Variants in GUCY2C observed in about 807,000 individuals in gnomAD.
GUCY2C encodes guanylyl cyclase C.
In GUCY2C, 118 loss-of-function variants were observed where a neutral mutation model predicts 131.1. That is an observed-to-expected ratio of 0.90 (90% CI 0.78 to 1.05). The LOEUF (loss-of-function observed/expected upper bound fraction) is 1.05. GUCY2C is among the 50% of genes least tolerant of loss of function. The pLI is 0.00. For synonymous variants in GUCY2C, 452 were observed against 457.8 expected, an observed-to-expected ratio of 0.99 and a Z score of 0.16; for missense variants, 1,161 against 1,304.4, an observed-to-expected ratio of 0.89 and a Z score of 1.69.
At position 14,612,712 on chromosome 12, in the gene GUCY2C, T is replaced by C. The variant is rs555711409; in HGVS notation, c.*405A>G. On this transcript the variant is annotated 3_prime_UTR_variant, in exon 27 of 27. Transcript: ENST00000261170. ...AAATTATGAGTTAAATATACTTTAA[T>C]GAAGATGGGTATTTAAAATATAATT... is the stretch of plus-strand genomic sequence containing the variant. The C allele has an allele frequency of 5.7e-5, 9 of 159,022 alleles. No individual in the cohort carries two copies. Among genetic ancestry groups the C allele is most frequent in the Non-Finnish European group, 9.7e-5 (7 of 72,300 alleles). 9.9% of individuals were successfully genotyped at this position (159,022 alleles called of 1,614,324 possible).
intron 15 of GUCY2C, among the ~76,000 whole-genome samples, chr12:14,651,193 C>T (rs544679727): frequency 1.3e-5 from 2 of 152,272 alleles, no homozygotes; most frequent in East Asian, 3.9e-4. Flanking sequence ...TTACTCCCCT[C>T]CCCAAATCTA....
chr12:14,649,268 A>G (rs1215756268), intron 15 of GUCY2C, among the ~76,000 whole-genome samples: 1 of 152,256 alleles, frequency 6.6e-6, no homozygotes, highest in Non-Finnish European at 1.5e-5. Context: ...TGAAGACAAA[A>G]TATATTTCTT....
rs1947435813 is a variant in GUCY2C at position 14,642,759 on chromosome 12, C to T, written c.1930+815G>A. On this transcript the variant is annotated intron_variant, in intron 17 of 26. Transcript: ENST00000261170. ...ACGATTTGTACTACTATGTCATGAA[C>T]CAGGCTTGGCACAGGTCTTCAATAA... is the stretch of plus-strand genomic sequence containing the variant. Among the ~76,000 whole-genome samples, 4 of 152,048 alleles carry T rather than the reference C, an allele frequency of 2.6e-5. No homozygotes were observed. The South Asian group carries it at 6.2e-4, about 24-fold the overall frequency.
Position 14,612,851 on chromosome 12 carries a change from T to G in GUCY2C, c.*266A>C. 4 of 352,584 alleles carry G rather than the reference T, an allele frequency of 1.1e-5. No homozygotes were observed. The highest frequency in any genetic ancestry group is 1.5e-5 in the Non-Finnish European group (3 of 195,518). The allele number at this position is 352,584 out of a possible 1,614,324, so 21.8% of individuals were successfully genotyped here. A position where few individuals can be genotyped will look rare whatever the true frequency, so the allele number is the denominator to read the frequency against. Reference sequence around the variant, plus strand: ...GAATAAAATCTTCTCAAGTTCTAGATAGTCTATTCATTTCTTTTCTTTTCC... The same window carrying G: ...GAATAAAATCTTCTCAAGTTCTAGAGAGTCTATTCATTTCTTTTCTTTTCC... On this transcript the variant is annotated 3_prime_UTR_variant, in exon 27 of 27. Transcript: ENST00000261170.
At position 14,675,693 on chromosome 12, in the gene GUCY2C, T is replaced by C. The variant is rs1948218286; in HGVS notation, c.949-933A>G. Among the ~76,000 whole-genome samples, 3 of 152,240 alleles carry C rather than the reference T, an allele frequency of 2.0e-5. 1 individual carries two copies. In the South Asian group the frequency reaches 6.2e-4, roughly 32 times the overall value. On this transcript the variant is annotated intron_variant, in intron 7 of 26. Coordinates refer to ENST00000261170, the MANE Select transcript of GUCY2C (RefSeq NM_004963.4). ...CTCAGCAGCTGGAGAATGGTGACCT[T>C]CACAGGGCTGAGTGATGAATTAAAA...
chr12:14,641,755 G>C (rs1947409305), intron 17 of GUCY2C, among the ~76,000 whole-genome samples: 1 of 152,058 alleles, frequency 6.6e-6, no homozygotes, highest in Admixed American at 6.6e-5. Context: ...TGGCCAATAT[G>C]GTGAAACCCT....
At chr12:14,674,319 C>T (rs543827375) in intron 8 of GUCY2C, 25 of 387,498 alleles carry the variant, frequency 6.5e-5, no homozygotes, top group Non-Finnish European at 1.1e-4. Flanking sequence ...TCTTGTTAGT[C>T]TCCAAGCACA....
intron 15 of GUCY2C, among the ~76,000 whole-genome samples, chr12:14,648,680 C>A (rs113879715): frequency 6.6e-6 from 1 of 152,138 alleles, no homozygotes; most frequent in Non-Finnish European, 1.5e-5. Context: ...TTACAATGTT[C>A]TTTTCCGAAT....
chr12:14,621,100 G>T lies in GUCY2C; in HGVS notation c.2718C>A (p.Thr906=). The change falls in exon 23 of 27, where the codon ACC becomes ACA. Residue 906 remains threonine (T), a synonymous_variant. Transcript: ENST00000261170. ...MALEILSFMG[T]FELEHLPGLP... ...GGCCAGGAAGATGCTCCAGCTCAAA[G>T]GTCCCCATGAAGCTGAGGATTTCCA... 1 of 1,614,014 alleles carries T rather than the reference G, an allele frequency of 6.2e-7. No individual in the cohort carries two copies. Among genetic ancestry groups the T allele is most frequent in the Non-Finnish European group, 8.5e-7 (1 of 1,179,940 alleles).
intron 15 of GUCY2C, among the ~76,000 whole-genome samples, chr12:14,649,990 C>A (rs771097207): frequency 2.0e-4 from 30 of 152,194 alleles, no homozygotes; most frequent in Non-Finnish European, 4.1e-4. Flanking sequence ...ATGAAGTATT[C>A]TTTCACAATT....
At chr12:14,671,011 A>C (rs1460441219) in intron 9 of GUCY2C, among the ~76,000 whole-genome samples, 1 of 151,764 alleles carries the variant, frequency 6.6e-6, no homozygotes, top group Admixed American at 6.6e-5. Context: ...CTTATTCACT[A>C]TCACGAGACT....
At chr12:14,668,171 T>TTA (rs1030289494) in intron 10 of GUCY2C, among the ~76,000 whole-genome samples, 8 of 150,338 alleles carry the variant, frequency 5.3e-5, no homozygotes, top group African/African-American at 9.8e-5. Context: ...GTCCACTAAT[T>TTA]TATATATATA....
In GUCY2C at chr12:14,613,354, C is replaced by T. The variant is rs1946690663; in HGVS notation, c.3048-63G>A. On this transcript the variant is annotated intron_variant, in intron 26 of 26. Transcript: ENST00000261170. The surrounding 1 kb of genome is among the most constrained non-coding windows in gnomAD (Gnocchi z 4.9). ...GCAATTCATACAGAATATTCCTTAG[C>T]TCCAGAATAATCAGTTCAGTTAGTC... is the stretch of plus-strand genomic sequence containing the variant. 29 of 1,246,580 alleles carry T rather than the reference C, an allele frequency of 2.3e-5. No homozygotes were observed. The Admixed American group carries it at 4.3e-4, about 18-fold the overall frequency. 77.2% of individuals were successfully genotyped at this position (1,246,580 alleles called of 1,614,324 possible).
intron 19 of GUCY2C, among the ~76,000 whole-genome samples, chr12:14,638,265 A>T (rs1033781333): frequency 3.3e-5 from 5 of 152,162 alleles, no homozygotes; most frequent in African/African-American, 1.2e-4. Context: ...CACACTGTTG[A>T]TGGGAATGTA....
intron 6 of GUCY2C, among the ~76,000 whole-genome samples, chr12:14,679,244 T>G (rs1948298516): frequency 6.6e-6 from 1 of 152,152 alleles, no homozygotes; most frequent in South Asian, 2.1e-4. Flanking sequence ...TTTTTTTCTT[T>G]TAATAGAGAT....
chr12:14,662,970 G>A (rs1480997776), intron 10 of GUCY2C, among the ~76,000 whole-genome samples: 1 of 152,102 alleles, frequency 6.6e-6, no homozygotes, highest in East Asian at 1.9e-4. Context: ...GACAACACTA[G>A]AAGCTCATGC....
At chr12:14,662,390 T>C (rs540362188) in intron 10 of GUCY2C, among the ~76,000 whole-genome samples, 15 of 152,116 alleles carry the variant, frequency 9.9e-5, no homozygotes, top group African/African-American at 3.4e-4. Context: ...TATAGAAAGA[T>C]GTTGGCCGGG....
intron 19 of GUCY2C, among the ~76,000 whole-genome samples, chr12:14,639,019 C>T (rs955750264): frequency 2.6e-5 from 4 of 152,030 alleles, no homozygotes; most frequent in African/African-American, 7.2e-5. Context: ...AGGCCAGGCG[C>T]GGTGGCTTAC....
At position 14,677,073 on chromosome 12, in the gene GUCY2C, A is replaced by T. The variant is rs79167868; in HGVS notation, c.831-102T>A. 2.0e-3 allele frequency: 848 copies of T among 421,352 alleles called. 13 individuals carry two copies. The highest frequency in any genetic ancestry group is 0.016 in the African/African-American group (761 of 48,878). 26.1% of individuals were successfully genotyped at this position (421,352 alleles called of 1,614,324 possible). A position where few individuals can be genotyped will look rare whatever the true frequency, so the allele number is the denominator to read the frequency against. ...ACCATCATCATTGAAAATAGTTTAA[A>T]ACATTTTTTTTCATTAATCTGCAAA... is the stretch of plus-strand genomic sequence containing the variant. On this transcript the variant is annotated intron_variant, in intron 6 of 26. Transcript: ENST00000261170.
Sources: gnomAD v4.1 joint callset for allele counts (sites outside exome capture counted in the v4.1 genomes callset) on GRCh38, gnomAD v4.1.1 for gene constraint, Gnocchi (gnomAD v3.1) non-coding constraint, MANE v1.5 for transcripts, NCBI Gene and HGNC (gene_info 2026-07-23, HGNC 2026-07-21) for gene names.